The following RTN4 variants were observed in gnomAD, a reference collection of about 807,000 sequenced individuals.
RTN4 encodes the protein reticulon 4, also known as reticulon-4.
Under a neutral mutation model 90.4 loss-of-function variants are expected in RTN4, and 32 were observed. That is an observed-to-expected ratio of 0.35 (90% confidence interval 0.27 to 0.48). The LOEUF is 0.48. Among genes scored for constraint, RTN4 ranks in the 20% least tolerant of loss-of-function variants. The pLI, the probability that RTN4 is intolerant of heterozygous loss-of-function variation, is 0.99. For synonymous variants in RTN4, 629 were observed against 552.5 expected, an observed-to-expected ratio of 1.14 and a Z score of -1.94; for missense variants, 1,706 against 1,430.2, an observed-to-expected ratio of 1.19 and a Z score of -3.11.
chr2:55,113,415 G>C (rs1176561228), upstream of RTN4, among the ~76,000 whole-genome samples: 1 of 152,166 alleles, frequency 6.6e-6, no homozygotes, highest in Non-Finnish European at 1.5e-5. Context: ...TCTCAGGTGA[G>C]ACTATGACTA....
chr2:55,018,595 C>T (rs1681207684), intron 3 of RTN4, among the ~76,000 whole-genome samples: 1 of 151,520 alleles, frequency 6.6e-6, no homozygotes, highest in Admixed American at 6.6e-5. Context: ...TATTAAAGGA[C>T]TGGATATAAA....
intron 2 of RTN4, among the ~76,000 whole-genome samples, chr2:55,069,343 C>T (rs1361257187): frequency 6.6e-6 from 1 of 152,110 alleles, no homozygotes; most frequent in African/African-American, 2.4e-5. Context: ...AAAATAAAAT[C>T]CAAAATTACC....
chr2:55,042,302 T>C (rs1558844344), intron 1 of RTN4, among the ~76,000 whole-genome samples: 1 of 152,124 alleles, frequency 6.6e-6, no homozygotes. Flanking sequence ...CTACAACATA[T>C]ATAATGGCAT....
At chr2:55,038,572 A>C (rs921519816) in intron 1 of RTN4, among the ~76,000 whole-genome samples, 8 of 152,202 alleles carry the variant, frequency 5.3e-5, no homozygotes, top group African/African-American at 1.9e-4. Context: ...CACAATGAGG[A>C]ACCACTACAT....
chr2:55,002,672 C>G (rs545554319), intron 3 of RTN4, among the ~76,000 whole-genome samples: 2 of 152,270 alleles, frequency 1.3e-5, no homozygotes, highest in South Asian at 4.1e-4. Flanking sequence ...ATAATTTTCT[C>G]TTTACAGAAT....
At chr2:55,013,323 A>T (rs958739667) in intron 3 of RTN4, among the ~76,000 whole-genome samples, 10 of 152,138 alleles carry the variant, frequency 6.6e-5, no homozygotes, top group Admixed American at 4.6e-4. Flanking sequence ...CCATGTCCCC[A>T]GTATCCCCTT....
At chr2:54,997,305 G>T (rs1679505721) in intron 3 of RTN4, among the ~76,000 whole-genome samples, 1 of 152,104 alleles carries the variant, frequency 6.6e-6, no homozygotes, top group Non-Finnish European at 1.5e-5. Flanking sequence ...ACCACAATGA[G>T]ATACCACTTC....
At chr2:55,027,507 A>C in intron 2 of RTN4, 22 bp from the exon 3 acceptor site, 2 of 1,567,912 alleles carry the variant, frequency 1.3e-6, no homozygotes, top group South Asian at 2.4e-5. Flanking sequence ...GACAGAAAGG[A>C]AAGTTAGAGA....
At chr2:55,136,436 T>C in the RTN4 span, among the ~76,000 whole-genome samples, 37 of 152,366 alleles carry the variant, frequency 2.4e-4, no homozygotes, top group African/African-American at 8.2e-4. Context: ...CTAAACAGCA[T>C]ACTTGGACTC....
chr2:55,122,189 G>A, the RTN4 span, among the ~76,000 whole-genome samples: 5 of 152,050 alleles, frequency 3.3e-5, no homozygotes, highest in African/African-American at 1.2e-4. Flanking sequence ...ATGTTGCCCA[G>A]GCTGGTCTCA....
In RTN4 at chr2:55,080,288, GA is replaced by G. The variant is rs1302781673; in HGVS notation, c.-63+200del. ...CTGCCCCAGCCTTCCAAAGTACTGG[GA>G]TTACAGGTGTGAACCAATATGCCCA... is the stretch of plus-strand genomic sequence containing the variant. On this transcript the variant is annotated intron_variant, in intron 2 of 3. Transcript: ENST00000427710. Among the ~76,000 whole-genome samples, 3 of 152,082 alleles carry G rather than the reference GA, an allele frequency of 2.0e-5. No individual in the cohort carries two copies. The East Asian group carries it at 5.8e-4, about 29-fold the overall frequency.
intron 2 of RTN4, among the ~76,000 whole-genome samples, chr2:55,079,889 T>C (rs1668676744): frequency 6.6e-6 from 1 of 152,194 alleles, no homozygotes; most frequent in Non-Finnish European, 1.5e-5. Context: ...CAAATCCTGG[T>C]TCCTTACTAG....
chr2:55,128,935 T>G, the RTN4 span, among the ~76,000 whole-genome samples: 2 of 151,558 alleles, frequency 1.3e-5, no homozygotes, highest in Non-Finnish European at 2.9e-5. Context: ...GGTGAAACCC[T>G]GTCTCTAATA....
chr2:55,116,175 C>T (rs542319654), upstream of RTN4, among the ~76,000 whole-genome samples: 73 of 149,982 alleles, frequency 4.9e-4, 1 homozygote, highest in African/African-American at 1.7e-3. Flanking sequence ...GCTATCCTCC[C>T]GCCTGGCCTC....
At chr2:55,093,370 TTAAA>T (rs1438403605) in intron 1 of RTN4, among the ~76,000 whole-genome samples, 1 of 146,130 alleles carries the variant, frequency 6.8e-6, no homozygotes. Flanking sequence ...TATTTTATAC[TTAAA>T]TAATTTATTC....
chr2:55,010,345 C>T (rs1024264188), intron 3 of RTN4: 17 of 1,362,680 alleles, frequency 1.2e-5, no homozygotes, highest in Non-Finnish European at 1.6e-5. Flanking sequence ...ACTAATACTC[C>T]AGCATTAATG....
the RTN4 span, among the ~76,000 whole-genome samples, chr2:55,129,404 T>A: frequency 2.0e-5 from 3 of 151,752 alleles, no homozygotes; most frequent in African/African-American, 7.3e-5. Flanking sequence ...AGAGACTGTG[T>A]CTCTCTACAA....
At chr2:54,995,904 C>T (rs191076312) in intron 3 of RTN4, among the ~76,000 whole-genome samples, 2 of 152,074 alleles carry the variant, frequency 1.3e-5, no homozygotes, top group African/African-American at 4.8e-5. Flanking sequence ...TCCTCATGCA[C>T]ATTATAACGA....
intron 4 of RTN4, among the ~76,000 whole-genome samples, chr2:54,984,524 G>T (rs1394274527): frequency 1.3e-5 from 2 of 152,180 alleles, no homozygotes; most frequent in Non-Finnish European, 2.9e-5. Context: ...TTGTACCACT[G>T]TTACTTGTTC....
Sources: gnomAD v4.1 joint callset for allele counts (sites outside exome capture counted in the v4.1 genomes callset) on GRCh38, gnomAD v4.1.1 for gene constraint, MANE v1.5 for transcripts, NCBI Gene and HGNC (gene_info 2026-07-23, HGNC 2026-07-21) for gene names.